RASA1: variants seen among roughly 807,000 people sequenced by gnomAD.
RASA1 encodes ras GTPase-activating protein 1.
RASA1 carries 25 observed loss-of-function variants against 132.2 expected under a neutral mutation model. The ratio of observed to expected loss-of-function variants is 0.19; its 90% CI spans 0.14 to 0.26. RASA1 has a LOEUF of 0.26. RASA1 is among the 10% of genes least tolerant of loss of function. RASA1 has a pLI of 1.00. For synonymous variants in RASA1, 477 were observed against 449.9 expected (o/e 1.06, Z -0.76); for missense variants, 964 against 1,299.2 (o/e 0.74, Z 3.97).
At chr5:87,272,749 C>T (rs546877987) in intron 1 of RASA1, among the ~76,000 whole-genome samples, 19 of 152,056 alleles carry the variant, frequency 1.2e-4, no homozygotes, top group East Asian at 5.8e-4. Context: ...AAGCCTACCA[C>T]GATTAATTAT....
intron 1 of RASA1, chr5:87,330,807 G>C: frequency 2.0e-6 from 1 of 489,666 alleles, no homozygotes; most frequent in Non-Finnish European, 3.3e-6. Flanking sequence ...GATTATCTTA[G>C]AGCCAAAGGG....
At chr5:87,300,368 G>A (rs149945919) in intron 1 of RASA1, among the ~76,000 whole-genome samples, 1 of 152,038 alleles carries the variant, frequency 6.6e-6, no homozygotes, top group South Asian at 2.1e-4. Context: ...ATGACCAAGC[G>A]AGATATGTCT....
At position 87,391,894 on chromosome 5, in the gene RASA1, A is replaced by G. The variant is rs1762553784; in HGVS notation, c.*1011A>G. ...AAGTATTCACAAAGGTTAAGTTAAA[A>G]TAAAACCAAGGGATATCTTGCATAA... On this transcript the variant is annotated 3_prime_UTR_variant, in exon 25 of 25. Transcript: ENST00000274376. 4.4e-6 allele frequency: 1 copy of G among 228,782 alleles called. No individual in the cohort carries two copies. Among genetic ancestry groups the G allele is most frequent in the Non-Finnish European group, 8.7e-6 (1 of 115,298 alleles). The allele number at this position is 228,782 out of a possible 1,614,324, so 14.2% of individuals were successfully genotyped here.
At chr5:87,356,383 A>AGTT (rs1554047341) in intron 9 of RASA1, among the ~76,000 whole-genome samples, 4 of 141,768 alleles carry the variant, frequency 2.8e-5, no homozygotes, top group African/African-American at 7.7e-5. Flanking sequence ...GATGATTGTT[A>AGTT]TTTTTTTTTT....
intron 17 of RASA1, 108 bp from the exon 18 acceptor site, chr5:87,378,288 A>AT (rs1761460043): frequency 7.5e-7 from 1 of 1,326,412 alleles, no homozygotes; most frequent in Non-Finnish European, 1.1e-6. Context: ...CAAAAAGCAC[A>AT]TTTAAGTGGC....
Position 87,372,181 on chromosome 5 carries a change from A to G in RASA1, c.1762A>G (p.Lys588Glu). 1 of 1,613,598 alleles carries G rather than the reference A, an allele frequency of 6.2e-7. No individual in the cohort carries two copies. The highest frequency in any genetic ancestry group is 8.5e-7 in the Non-Finnish European group (1 of 1,179,664). ...GAAAAGTAGTCCAGGGACATCCAATAAACGCCTTCGTCAGGTGAAGCTTAA... is the reference window on the plus strand; with the variant it reads ...GAAAAGTAGTCCAGGGACATCCAATGAACGCCTTCGTCAGGTGAAGCTTAA... ...LRKSSPGTSN[K>E]RLRQVSSLVL... The change falls in exon 13 of 25, where the codon AAA becomes GAA. Residue 588 changes from lysine to glutamate, a missense_variant. Transcript: ENST00000274376.
Position 87,268,672 on chromosome 5 carries a change from C to G in RASA1, c.221C>G (p.Ala74Gly). ...GCTTTGGGGTCAGAGTTCCTAGGAG[C>G]CGGGTCTGTGGCAGGGGCACTGGGG... is the stretch of plus-strand genomic sequence containing the variant. ...GAALGSEFLG[A>G]GSVAGALGGA... The change falls in exon 1 of 25, where the codon GCC (alanine) becomes GGC (glycine). Residue 74 changes from alanine to glycine, a missense_variant. Ala to Gly is a moderately conservative substitution (Grantham distance 60). This residue lies in a region of RASA1 where 326 missense variants were observed against 275.8 expected (regional missense o/e 1.18). Coordinates refer to ENST00000274376, the MANE Select transcript of RASA1 (RefSeq NM_002890.3). 6.2e-7 allele frequency: 1 copy of G among 1,611,152 alleles called. No individual in the cohort carries two copies. The highest frequency in any genetic ancestry group is 8.5e-7 in the Non-Finnish European group (1 of 1,178,874).
chr5:87,378,988 A>C (rs1761519572), intron 18 of RASA1, among the ~76,000 whole-genome samples: 1 of 152,204 alleles, frequency 6.6e-6, no homozygotes, highest in South Asian at 2.1e-4. Flanking sequence ...TTAAAGTTTC[A>C]GTATAAATTC....
chr5:87,331,275 A>G (rs752391055), intron 1 of RASA1, 73 bp from the exon 2 acceptor site: 12 of 1,434,770 alleles, frequency 8.4e-6, no homozygotes, highest in African/African-American at 2.8e-5. Flanking sequence ...CTCTAGTAGT[A>G]TGTTTTTCAA....
In RASA1 at chr5:87,268,079, C is replaced by T. The variant is rs1753644580; in HGVS notation, c.-373C>T. 2.4e-6 allele frequency: 1 copy of T among 409,292 alleles called. No individual in the cohort carries two copies. Among genetic ancestry groups the T allele is most frequent in the Non-Finnish European group, 4.3e-6 (1 of 232,516 alleles). 25.4% of individuals were successfully genotyped at this position (409,292 alleles called of 1,614,324 possible). On this transcript the variant is annotated 5_prime_UTR_variant, in exon 1 of 25. Transcript: ENST00000274376. ...TGGGGTGGTGAAGAAGCGGTGGTGGCGGCTGAAGGAGCGGTAGCAGCCTCA... is the reference window on the plus strand; with the variant it reads ...TGGGGTGGTGAAGAAGCGGTGGTGGTGGCTGAAGGAGCGGTAGCAGCCTCA...
intron 4 of RASA1, among the ~76,000 whole-genome samples, chr5:87,337,728 G>A (rs1758075798): frequency 6.6e-6 from 1 of 151,994 alleles, no homozygotes; most frequent in Admixed American, 6.6e-5. Flanking sequence ...CAGTGATATA[G>A]TTAGTGCAGA....
chr5:87,314,506 T>C (rs1417699324), intron 1 of RASA1, among the ~76,000 whole-genome samples: 1 of 152,194 alleles, frequency 6.6e-6, no homozygotes, highest in Non-Finnish European at 1.5e-5. Context: ...TTGTTAAGGC[T>C]TTTTGACTGA....
chr5:87,347,175 A>G (rs1758926683), intron 7 of RASA1, among the ~76,000 whole-genome samples: 1 of 152,042 alleles, frequency 6.6e-6, no homozygotes, highest in South Asian at 2.1e-4. Context: ...ACCATAATTA[A>G]CTAGTCTTCA....
At chr5:87,269,236 A>G (rs1433234247) in intron 1 of RASA1, 18 of 1,549,816 alleles carry the variant, frequency 1.2e-5, no homozygotes, top group Non-Finnish European at 1.6e-5. Context: ...AAAGCATGAG[A>G]AAATGTGTAT....
chr5:87,388,105 C>G (rs1762189810), intron 23 of RASA1, among the ~76,000 whole-genome samples: 1 of 152,134 alleles, frequency 6.6e-6, no homozygotes, highest in African/African-American at 2.4e-5. Context: ...TAAGCATCCC[C>G]TGTGTATCTG....
At chr5:87,298,361 A>G (rs749339085) in intron 1 of RASA1, among the ~76,000 whole-genome samples, 4 of 150,558 alleles carry the variant, frequency 2.7e-5, no homozygotes, top group Admixed American at 1.3e-4. Flanking sequence ...GTGAGCCTAG[A>G]TCGTACATGC....
chr5:87,328,839 T>C (rs889640180), intron 1 of RASA1, among the ~76,000 whole-genome samples: 9 of 152,240 alleles, frequency 5.9e-5, no homozygotes, highest in Non-Finnish European at 1.0e-4. Context: ...TATAGTATTT[T>C]ACTTAGGTTC....
chr5:87,307,190 G>A (rs1384322905), intron 1 of RASA1, among the ~76,000 whole-genome samples: 3 of 152,070 alleles, frequency 2.0e-5, no homozygotes, highest in African/African-American at 4.8e-5. Flanking sequence ...TTTAAAAAAC[G>A]ATGTCCCATT....
At chr5:87,322,838 AG>A (rs1376920520) in intron 1 of RASA1, among the ~76,000 whole-genome samples, 1 of 152,258 alleles carries the variant, frequency 6.6e-6, no homozygotes, top group Non-Finnish European at 1.5e-5. Flanking sequence ...CACCACAAGA[AG>A]GAATCAAAGT....
Sources: allele counts gnomAD v4.1 joint callset (sites outside exome capture counted in the v4.1 genomes callset), GRCh38; gene constraint gnomAD v4.1.1; regional missense constraint gnomAD v4.1.1; transcripts MANE v1.5; gene names NCBI Gene and HGNC (gene_info 2026-07-23, HGNC 2026-07-21).